Variants in GIN1 observed in about 807,000 individuals in gnomAD.
The protein encoded by GIN1 is gypsy retrotransposon integrase 1, also known as gypsy retrotransposon integrase-like protein 1.
A neutral mutation model predicts 51.4 loss-of-function variants in GIN1; 41 were observed. The ratio of observed to expected loss-of-function variants is 0.80; its 90% CI spans 0.62 to 1.04. The LOEUF (loss-of-function observed/expected upper bound fraction) is 1.04. Among genes scored for constraint, GIN1 ranks in the 50% least tolerant of loss-of-function variants. GIN1 has a pLI of 0.00. For synonymous variants in GIN1, 222 were observed against 206.5 expected (o/e 1.07, Z -0.64); for missense variants, 610 against 612.4 (o/e 1.00, Z 0.04).
intron 7 of GIN1, among the ~76,000 whole-genome samples, chr5:103,090,495 A>C (rs11955278): frequency 0.02 from 3,049 of 152,288 alleles, 95 homozygotes; most frequent in African/African-American, 0.069. Context: ...AGATAGGGTA[A>C]ACATGTTGCT....
intron 7 of GIN1, among the ~76,000 whole-genome samples, chr5:103,096,166 AC>A (rs1401005756): frequency 9.3e-5 from 14 of 151,058 alleles, no homozygotes; most frequent in Non-Finnish European, 4.4e-5. Flanking sequence ...ACATGGTGAA[AC>A]CCCGTTTCTA....
At chr5:103,092,327 AAAT>A (rs1787264344) in intron 7 of GIN1, among the ~76,000 whole-genome samples, 1 of 152,128 alleles carries the variant, frequency 6.6e-6, no homozygotes, top group African/African-American at 2.4e-5. Flanking sequence ...TAAGGAATAA[AAAT>A]AATAATTAAA....
At chr5:103,116,873 A>G (rs1169944082) in intron 1 of GIN1, among the ~76,000 whole-genome samples, 3 of 152,068 alleles carry the variant, frequency 2.0e-5, no homozygotes, top group Non-Finnish European at 2.9e-5. Context: ...ATAAGATATG[A>G]CTACACACTA....
Position 103,112,771 on chromosome 5 carries a change from T to C in GIN1, c.-7-4057A>G, listed in dbSNP as rs1263501151. Among the ~76,000 whole-genome samples, 5 of 152,324 alleles carry C rather than the reference T, an allele frequency of 3.3e-5. No individual in the cohort carries two copies. In the East Asian group the frequency reaches 7.7e-4, roughly 23 times the overall value. On this transcript the variant is annotated intron_variant, in intron 1 of 7. Transcript: ENST00000399004. Reference sequence around the variant, plus strand: ...AACTTCCATGCTTTACCCTTTTTAATAGTTTTTTGCCTGTTCATCCATATA... The same window carrying C: ...AACTTCCATGCTTTACCCTTTTTAACAGTTTTTTGCCTGTTCATCCATATA...
intron 7 of GIN1, among the ~76,000 whole-genome samples, chr5:103,088,752 C>T (rs1032195444): frequency 6.6e-6 from 1 of 151,882 alleles, no homozygotes; most frequent in Non-Finnish European, 1.5e-5. Flanking sequence ...CATGATGGCA[C>T]CACTGCACTC....
At chr5:103,089,722 G>C (rs557830573) in intron 7 of GIN1, among the ~76,000 whole-genome samples, 2 of 152,292 alleles carry the variant, frequency 1.3e-5, no homozygotes, top group South Asian at 2.1e-4. Context: ...TGCCTATTTA[G>C]ATTAGAGACC....
intron 7 of GIN1, among the ~76,000 whole-genome samples, chr5:103,095,664 G>A (rs1404006357): frequency 6.6e-6 from 1 of 152,204 alleles, no homozygotes; most frequent in East Asian, 1.9e-4. Flanking sequence ...GCACATGCAC[G>A]CAATCCCAGC....
Position 103,088,148 on chromosome 5 carries a change from G to A in GIN1, c.1319C>T (p.Ser440Leu). Residue 440 changes from serine (S) to leucine (L), a missense_variant, in exon 8 of 8, where the codon TCA (serine) becomes TTA (leucine). Transcript: ENST00000399004. ...EQESLYLLQGSVVADHDYIGL... is the reference protein window; with the variant it reads ...EQESLYLLQGLVVADHDYIGL... ...AATGTAGTCATGATCTGCCACTACT[G>A]AACCTTGCAAGAGATAAAGACTTTC... The A allele has an allele frequency of 3.8e-6, 6 of 1,580,518 alleles. No homozygotes were observed. The highest frequency in any genetic ancestry group is 5.2e-6 in the Non-Finnish European group (6 of 1,162,214).
chr5:103,097,253 T>C (rs1787426267), intron 6 of GIN1, 61 bp downstream of exon 6: 8 of 1,044,052 alleles, frequency 7.7e-6, no homozygotes, highest in Non-Finnish European at 1.1e-5. Flanking sequence ...GCTGAAATTT[T>C]AAAAATAAAT....
chr5:103,096,900 G>T, intron 6 of GIN1, 74 bp from the exon 7 acceptor site: 1 of 907,226 alleles, frequency 1.1e-6, no homozygotes, highest in Non-Finnish European at 1.7e-6. Context: ...CAAATAATGA[G>T]AATATTGTAA....
intron 4 of GIN1, among the ~76,000 whole-genome samples, chr5:103,101,429 T>C (rs940020934): frequency 1.3e-5 from 2 of 152,234 alleles, no homozygotes; most frequent in African/African-American, 4.8e-5. Flanking sequence ...CAGTTGACTA[T>C]AGGAACTGAA....
chr5:103,118,667 G>A (rs1219909915), intron 1 of GIN1, among the ~76,000 whole-genome samples: 2 of 139,542 alleles, frequency 1.4e-5, no homozygotes, highest in East Asian at 4.5e-4. Context: ...CTCAGTTCAC[G>A]AAAAGCATAG....
In GIN1 at chr5:103,087,626, A is replaced by T. The variant is rs555605134; in HGVS notation, c.*272T>A. 162 of 221,558 alleles carry T rather than the reference A, an allele frequency of 7.3e-4. No individual in the cohort carries two copies. The highest frequency in any genetic ancestry group is 3.4e-3 in the African/African-American group (152 of 44,272). 13.7% of individuals were successfully genotyped at this position (221,558 alleles called of 1,614,324 possible). A position where few individuals can be genotyped will look rare whatever the true frequency, so the allele number is the denominator to read the frequency against. ...CAAAGGTTTGAGAGATTTGGGCTGG[A>T]ATTTATTTCCCAAGAAGTAGGGGTG... On this transcript the variant is annotated 3_prime_UTR_variant, in exon 8 of 8. Transcript: ENST00000399004.
rs782367923 is a variant in GIN1, at chr5:103,088,007, T to G, written c.1460A>C (p.Glu487Ala). ...TGGAGAGATTTTCGTATTTCTATAT[T>G]CTAATAGTTCACGATCCTTGCTTGA... is the stretch of plus-strand genomic sequence containing the variant. ...LTSSKDRELLEYRNTKISPLI... is the reference protein window; with the variant it reads ...LTSSKDRELLAYRNTKISPLI... The change falls in exon 8 of 8, where the codon GAA (glutamate) becomes GCA (alanine). Residue 487 changes from glutamate (E) to alanine (A), a missense_variant. Glu to Ala is a moderately radical substitution (Grantham distance 107). Coordinates refer to ENST00000399004, the MANE Select transcript of GIN1 (RefSeq NM_017676.2). The G allele has an allele frequency of 6.2e-7, 1 of 1,604,270 alleles. No homozygotes were observed. The highest frequency in any genetic ancestry group is 1.3e-5 in the African/African-American group (1 of 74,842).
At chr5:103,119,333 T>C (rs1554198032) in intron 1 of GIN1, among the ~76,000 whole-genome samples, 2 of 152,204 alleles carry the variant, frequency 1.3e-5, no homozygotes, top group Admixed American at 6.5e-5. Context: ...CTCCAAAAAA[T>C]GGACACGCAC....
Position 103,097,039 on chromosome 5 carries a change from C to T in GIN1, c.1009-213G>A, listed in dbSNP as rs148226896. Among the ~76,000 whole-genome samples the T allele has an allele frequency of 3.0e-3, 452 of 150,842 alleles. 2 individuals carry two copies. The highest frequency in any genetic ancestry group is 0.014 in the Middle Eastern group (4 of 294). On this transcript the variant is annotated intron_variant, in intron 6 of 7. Transcript: ENST00000399004. ...AAACTAAGATAGGTTAAGTAATTTGCCGAAGTCAAACAACTCAAAAGCAGT... is the reference window on the plus strand; with the variant it reads ...AAACTAAGATAGGTTAAGTAATTTGTCGAAGTCAAACAACTCAAAAGCAGT...
At chr5:103,090,900 A>AACAC (rs3836842) in intron 7 of GIN1, among the ~76,000 whole-genome samples, 4,659 of 148,324 alleles carry the variant, frequency 0.031, 213 homozygotes, top group African/African-American at 0.11. Context: ...GTCACACACG[A>AACAC]ACACACACAC....
chr5:103,090,219 G>A (rs551353098), intron 7 of GIN1, among the ~76,000 whole-genome samples: 2 of 152,310 alleles, frequency 1.3e-5, no homozygotes, highest in East Asian at 1.9e-4. Context: ...AACCCAGGAG[G>A]TGGAGGTTGC....
chr5:103,103,567 C>T (rs1196912712), intron 4 of GIN1, among the ~76,000 whole-genome samples: 1 of 152,180 alleles, frequency 6.6e-6, no homozygotes, highest in Non-Finnish European at 1.5e-5. Flanking sequence ...CTGTCAATTA[C>T]AAAAAGTTTT....
Sources: allele counts gnomAD v4.1 joint callset (sites outside exome capture counted in the v4.1 genomes callset), GRCh38; gene constraint gnomAD v4.1.1; transcripts MANE v1.5; gene names NCBI Gene and HGNC (gene_info 2026-07-23, HGNC 2026-07-21).